Variants in DDR2 observed in about 807,000 individuals in gnomAD.
DDR2 encodes the protein discoidin domain receptor tyrosine kinase 2.
A neutral mutation model predicts 94.9 loss-of-function variants in DDR2; 27 were observed. The observed-to-expected ratio is 0.28, with a 90% CI of 0.21 to 0.39. The LOEUF is 0.39. Among genes scored for constraint, DDR2 ranks in the 10% least tolerant of loss-of-function variants. The pLI, the probability that DDR2 is intolerant of heterozygous loss-of-function variation, is 1.00. For missense variants in DDR2, 783 were observed against 1,076.0 expected (o/e 0.73, Z 3.81); for synonymous variants, 382 against 377.2 (o/e 1.01, Z -0.15).
In DDR2 at chr1:162,719,072, G is replaced by T; in HGVS notation, c.9G>T (p.Leu3=). The change falls in exon 3 of 18, where the codon CTG becomes CTT. Residue 3 remains leucine (L), a synonymous_variant. Transcript: ENST00000367921. The part of the protein sequence containing the change: MI[L]IPRMLLVLFL... ...CAACACCATCTTCTGAGATGATCCT[G>T]ATTCCCAGAATGCTCTTGGTGCTGT... 6.2e-7 allele frequency: 1 copy of T among 1,613,854 alleles called. No homozygotes were observed. The highest frequency in any genetic ancestry group is 1.1e-5 in the South Asian group (1 of 91,082).
chr1:162,648,478 G>C (rs540041059), intron 1 of DDR2, among the ~76,000 whole-genome samples: 11 of 152,218 alleles, frequency 7.2e-5, no homozygotes, highest in African/African-American at 2.2e-4. Context: ...GTGGAATTTT[G>C]AACATTTCCT....
chr1:162,758,194 G>A (rs1034446250), intron 7 of DDR2, among the ~76,000 whole-genome samples: 2 of 152,114 alleles, frequency 1.3e-5, no homozygotes, highest in African/African-American at 4.8e-5. Context: ...TTACAAAAAT[G>A]TAGACATCAT....
At chr1:162,635,983 A>G (rs1306774089) in intron 1 of DDR2, among the ~76,000 whole-genome samples, 1 of 152,234 alleles carries the variant, frequency 6.6e-6, no homozygotes, top group Non-Finnish European at 1.5e-5. Context: ...TGAGATGTCC[A>G]GATACCTGTC....
chr1:162,710,231 A>G (rs1176086590), intron 2 of DDR2, among the ~76,000 whole-genome samples: 1 of 152,170 alleles, frequency 6.6e-6, no homozygotes, highest in Non-Finnish European at 1.5e-5. Context: ...GAGGGGAGCA[A>G]AGTAGTCTTA....
rs541466812 is a variant in DDR2 at position 162,649,418 on chromosome 1, A to G, written c.-191-5793A>G. Among the ~76,000 whole-genome samples, 9 of 152,276 alleles carry G rather than the reference A, an allele frequency of 5.9e-5. No individual in the cohort carries two copies. The South Asian group carries it at 1.7e-3, about 28-fold the overall frequency. On this transcript the variant is annotated intron_variant, in intron 1 of 17. Coordinates refer to ENST00000367921, the MANE Select transcript of DDR2 (RefSeq NM_006182.4). ...GTTGGTAGTGTCATGCAAAGAAACA[A>G]GAGTTGGGATTTGGGTCCAGGCTTT...
intron 1 of DDR2, among the ~76,000 whole-genome samples, chr1:162,638,599 C>T (rs1286742811): frequency 6.6e-6 from 1 of 152,132 alleles, no homozygotes; most frequent in Non-Finnish European, 1.5e-5. Flanking sequence ...TTTGGAAGTC[C>T]TTGTGGGAGC....
intron 1 of DDR2, among the ~76,000 whole-genome samples, chr1:162,648,589 T>A (rs1365191886): frequency 6.6e-6 from 1 of 152,130 alleles, no homozygotes; most frequent in East Asian, 1.9e-4. Context: ...ATTAGAGGGC[T>A]GCATTCTCAG....
upstream of DDR2, among the ~76,000 whole-genome samples, chr1:162,631,180 CATTGT>C (rs1656538903): frequency 8.8e-6 from 1 of 113,334 alleles, no homozygotes; most frequent in Admixed American, 1.0e-4. Context: ...TGGCCACCCT[CATTGT>C]GTGTGTGTGT....
chr1:162,744,216 G>A (rs115098909), intron 3 of DDR2, among the ~76,000 whole-genome samples: 3,061 of 152,226 alleles, frequency 0.02, 96 homozygotes, highest in African/African-American at 0.07. Context: ...ATACCGTATC[G>A]TTAAGTATAG....
chr1:162,768,029 A>G (rs1664087780), intron 11 of DDR2, among the ~76,000 whole-genome samples: 1 of 152,162 alleles, frequency 6.6e-6, no homozygotes, highest in African/African-American at 2.4e-5. Context: ...GCATAATTTT[A>G]TATACACCTC....
intron 9 of DDR2, among the ~76,000 whole-genome samples, chr1:162,763,763 A>C (rs926993550): frequency 6.6e-6 from 1 of 152,172 alleles, no homozygotes; most frequent in Non-Finnish European, 1.5e-5. Flanking sequence ...GAAAGCAATG[A>C]AATATGTATA....
At chr1:162,639,576 T>C (rs1657022029) in intron 1 of DDR2, among the ~76,000 whole-genome samples, 1 of 152,230 alleles carries the variant, frequency 6.6e-6, no homozygotes, top group Admixed American at 6.5e-5. Flanking sequence ...TCTTGGATAT[T>C]GTGATGACTT....
chr1:162,698,858 C>G (rs1660305980), intron 2 of DDR2, among the ~76,000 whole-genome samples: 1 of 152,180 alleles, frequency 6.6e-6, no homozygotes, highest in Non-Finnish European at 1.5e-5. Flanking sequence ...TTCATAGCCT[C>G]CTAGTAATGT....
chr1:162,720,352 T>C lies in DDR2; in HGVS notation c.82+1207T>C, dbSNP rs140030343. Among the ~76,000 whole-genome samples the C allele has an allele frequency of 3.9e-5, 6 of 152,276 alleles. No individual in the cohort carries two copies. In the East Asian group the frequency reaches 1.2e-3, roughly 29 times the overall value. On this transcript the variant is annotated intron_variant, in intron 3 of 17. Coordinates refer to ENST00000367921, the MANE Select transcript of DDR2 (RefSeq NM_006182.4). ...CGCAAAGGTAGCCATTATCCTGCTT[T>C]CTAGCAACATAGATTAGTTTTGCCC...
chr1:162,661,716 C>G (rs1420586648), intron 2 of DDR2, among the ~76,000 whole-genome samples: 1 of 152,178 alleles, frequency 6.6e-6, no homozygotes, highest in Non-Finnish European at 1.5e-5. Flanking sequence ...GATGTGGGCA[C>G]TCTGCTCTGC....
chr1:162,639,408 T>C (rs1657010293), intron 1 of DDR2, among the ~76,000 whole-genome samples: 1 of 152,240 alleles, frequency 6.6e-6, no homozygotes, highest in Non-Finnish European at 1.5e-5. Context: ...TTTCAACAAA[T>C]GGTGCTGGAA....
rs1336455110 is a variant in DDR2, at chr1:162,782,694, C to A, written c.*2448C>A. The A allele has an allele frequency of 6.6e-6, 1 of 152,012 alleles. No homozygotes were observed. The highest frequency in any genetic ancestry group is 1.5e-5 in the Non-Finnish European group (1 of 67,984). 9.4% of individuals were successfully genotyped at this position (152,012 alleles called of 1,614,324 possible). A position where few individuals can be genotyped will look rare whatever the true frequency, so the allele number is the denominator to read the frequency against. ...TTTGCCTAAAATCTCTCCACTTATT[C>A]TTTTTTATGATTCTGCACCAGTTCA... On this transcript the variant is annotated 3_prime_UTR_variant, in exon 18 of 18. Coordinates refer to ENST00000367921, the MANE Select transcript of DDR2 (RefSeq NM_006182.4).
At chr1:162,712,045 A>G (rs1244061697) in intron 2 of DDR2, among the ~76,000 whole-genome samples, 1 of 151,892 alleles carries the variant, frequency 6.6e-6, no homozygotes, top group East Asian at 1.9e-4. Context: ...GGCAGGTCAA[A>G]AATCATTTCA....
At chr1:162,658,743 G>A (rs189050903) in intron 2 of DDR2, among the ~76,000 whole-genome samples, 15 of 151,208 alleles carry the variant, frequency 9.9e-5, no homozygotes, top group South Asian at 2.1e-4. Context: ...CTGAAGAATG[G>A]TTTGAGCCTG....
Sources: allele counts gnomAD v4.1 joint callset (sites outside exome capture counted in the v4.1 genomes callset), GRCh38; gene constraint gnomAD v4.1.1; transcripts MANE v1.5; gene names NCBI Gene and HGNC (gene_info 2026-07-23, HGNC 2026-07-21).